SEC63: variants seen among roughly 807,000 people sequenced by gnomAD.
SEC63 encodes the protein SEC63 protein translocation regulator.
Under a neutral mutation model 116.2 loss-of-function variants are expected in SEC63, and 56 were observed. That is an observed-to-expected ratio of 0.48 (90% confidence interval 0.39 to 0.60). The LOEUF (loss-of-function observed/expected upper bound fraction) is 0.60, where lower values mean the gene tolerates loss of function less well. Among genes scored for constraint, SEC63 ranks in the 20% least tolerant of loss-of-function variants. SEC63 has a pLI of 0.00. For synonymous variants in SEC63, 273 were observed against 294.6 expected, an observed-to-expected ratio of 0.93 and a Z score of 0.75; for missense variants, 668 against 900.0, an observed-to-expected ratio of 0.74 and a Z score of 3.30.
At position 107,958,040 on chromosome 6, in the gene SEC63, C is replaced by G; in HGVS notation, c.-31G>C. The G allele has an allele frequency of 6.2e-7, 1 of 1,611,734 alleles. No homozygotes were observed. Among genetic ancestry groups the G allele is most frequent in the African/African-American group, 1.3e-5 (1 of 74,934 alleles). ...CCCCTCCTCCGCCTCGCTCTTCTCA[C>G]CGCCGCCGCCACGACCACGCTCTGC... is the stretch of plus-strand genomic sequence containing the variant. On this transcript the variant is annotated 5_prime_UTR_variant, in exon 1 of 21. Transcript: ENST00000369002.
chr6:107,941,409 G>C lies in SEC63; in HGVS notation c.125-11895C>G, dbSNP rs571137381. On this transcript the variant is annotated intron_variant, in intron 1 of 20. Transcript: ENST00000369002. ...TAGAAGCTTCCTCAAGAAGGCAGAG[G>C]AATCAGCTCCTTGAGCCCAGGAGAT... Among the ~76,000 whole-genome samples the C allele has an allele frequency of 2.6e-5, 4 of 151,450 alleles. No homozygotes were observed. In the South Asian group the frequency reaches 6.2e-4, roughly 24 times the overall value.
At chr6:107,918,461 G>A (rs1036165108) in intron 4 of SEC63, among the ~76,000 whole-genome samples, 3 of 152,000 alleles carry the variant, frequency 2.0e-5, no homozygotes, top group Non-Finnish European at 4.4e-5. Flanking sequence ...TTCAGAGGCC[G>A]AGGTGGGCAG....
At chr6:107,954,977 T>C (rs1770682252) in intron 1 of SEC63, among the ~76,000 whole-genome samples, 1 of 152,176 alleles carries the variant, frequency 6.6e-6, no homozygotes, top group South Asian at 2.1e-4. Context: ...AATATGCATA[T>C]GGACTAAGGC....
chr6:107,944,129 A>T (rs1385912370), intron 1 of SEC63, among the ~76,000 whole-genome samples: 1 of 152,224 alleles, frequency 6.6e-6, no homozygotes, highest in Non-Finnish European at 1.5e-5. Flanking sequence ...TGAGAAAGAG[A>T]TGAATCAAGA....
intron 7 of SEC63, 108 bp downstream of exon 7, chr6:107,911,238 G>A: frequency 3.8e-6 from 3 of 796,922 alleles, no homozygotes; most frequent in East Asian, 2.6e-5. Flanking sequence ...TTAAATTCAA[G>A]GATCAATGGG....
At chr6:107,957,819 C>A (rs1041875251) in intron 1 of SEC63, 67 bp downstream of exon 1, 13 of 1,405,184 alleles carry the variant, frequency 9.3e-6, no homozygotes, top group African/African-American at 1.5e-5. Flanking sequence ...GGCAAGCGGG[C>A]GCCGCAGGGC....
At chr6:107,946,601 T>G (rs1413314470) in intron 1 of SEC63, among the ~76,000 whole-genome samples, 1 of 152,248 alleles carries the variant, frequency 6.6e-6, no homozygotes, top group Non-Finnish European at 1.5e-5. Flanking sequence ...ACTGCTTTCC[T>G]CTGTATAGGA....
intron 14 of SEC63, 145 bp downstream of exon 14, chr6:107,897,504 T>C: frequency 2.9e-6 from 2 of 690,292 alleles, no homozygotes; most frequent in South Asian, 1.6e-5. Context: ...TCATGAAAAT[T>C]AATTTAAAAT....
chr6:107,888,042 G>T (rs1003829243), intron 16 of SEC63, among the ~76,000 whole-genome samples: 16 of 152,230 alleles, frequency 1.1e-4, no homozygotes, highest in East Asian at 1.9e-4. Context: ...CTCCAGCTTT[G>T]TTCTTTTTGC....
intron 19 of SEC63, among the ~76,000 whole-genome samples, chr6:107,874,489 A>G (rs943456509): frequency 1.3e-4 from 20 of 150,898 alleles, no homozygotes; most frequent in South Asian, 4.2e-4. Context: ...CCAGCTACTC[A>G]GGAGGCTGAG....
chr6:107,888,992 C>T (rs891667445), intron 16 of SEC63, among the ~76,000 whole-genome samples: 2 of 152,148 alleles, frequency 1.3e-5, no homozygotes, highest in African/African-American at 4.8e-5. Context: ...TTCAGTTTGC[C>T]AGTATTTTAT....
intron 1 of SEC63, among the ~76,000 whole-genome samples, chr6:107,939,837 T>C (rs1770336696): frequency 6.6e-6 from 1 of 152,128 alleles, no homozygotes; most frequent in South Asian, 2.1e-4. Flanking sequence ...TTTCAGAATA[T>C]AAAAGGCATG....
rs550464307 is a variant in SEC63 at position 107,911,579 on chromosome 6, T to C, written c.574-183A>G. 5.3e-5 allele frequency among the ~76,000 whole-genome samples: 8 copies of C among 152,298 alleles called. No homozygotes were observed. The South Asian group carries it at 1.4e-3, about 28-fold the overall frequency. On this transcript the variant is annotated intron_variant, in intron 6 of 20. Transcript: ENST00000369002. ...ACCATTATTACCCTCCTTTTGTAGG[T>C]AGAAAACCTGCAGTACACATGGGTT... is the stretch of plus-strand genomic sequence containing the variant.
rs755223040 is a variant in SEC63, at chr6:107,904,643, G to A, written c.1040C>T (p.Ala347Val). 1.9e-6 allele frequency: 3 copies of A among 1,611,128 alleles called. No individual in the cohort carries two copies. The Admixed American group carries it at 5.0e-5, about 27-fold the overall frequency. The part of the protein sequence containing the change: ...VNVICQLIVM[A>V]RNREEREFRA... ...TTCCTCCTCACCTTCACGGTTCCGG[G>A]CCATTACTATTAGTTGGCAGATTAC... is the stretch of plus-strand genomic sequence containing the variant. Residue 347 changes from alanine to valine, a missense_variant, in exon 11 of 21, where the codon GCC becomes GTC. By Grantham distance (64) the Ala-to-Val change is moderately conservative. Coordinates refer to ENST00000369002, the MANE Select transcript of SEC63 (RefSeq NM_007214.5).
chr6:107,912,282 A>G (rs371289709), intron 6 of SEC63, among the ~76,000 whole-genome samples: 14 of 152,332 alleles, frequency 9.2e-5, no homozygotes, highest in Admixed American at 4.6e-4. Flanking sequence ...AATTCAATTT[A>G]TTGTAAATTA....
chr6:107,899,198 T>G (rs540340517), intron 13 of SEC63, among the ~76,000 whole-genome samples: 1 of 152,206 alleles, frequency 6.6e-6, no homozygotes. Context: ...CCAGCATTAT[T>G]ATCATGCAGA....
intron 1 of SEC63, among the ~76,000 whole-genome samples, chr6:107,938,282 C>G (rs1041429697): frequency 1.5e-5 from 2 of 129,874 alleles, no homozygotes; most frequent in African/African-American, 5.6e-5. Context: ...GGGTCTTGCT[C>G]TGTCACCAGG....
Position 107,957,920 on chromosome 6 carries a change from C to G in SEC63, c.90G>C (p.Ala30=). 1.9e-6 allele frequency: 3 copies of G among 1,613,186 alleles called. No homozygotes were observed. The highest frequency in any genetic ancestry group is 1.7e-6 in the Non-Finnish European group (2 of 1,179,496). ...TSFVGLIVIP[A]TYYLWPRDQN... is the part of the protein sequence containing the mutation. ...GATCTCGGGGCCAGAGGTAGTATGT[C>G]GCCGGGATCACGATGAGCCCCACGA... is the stretch of plus-strand genomic sequence containing the variant. Residue 30 remains alanine, a synonymous_variant, in exon 1 of 21, where the codon GCG becomes GCC. Transcript: ENST00000369002.
chr6:107,896,454 A>G (rs1444408834), intron 14 of SEC63, among the ~76,000 whole-genome samples: 1 of 152,120 alleles, frequency 6.6e-6, no homozygotes, highest in Non-Finnish European at 1.5e-5. Context: ...TGACAGAGCT[A>G]GCTAGACTCC....
Sources: allele counts gnomAD v4.1 joint callset (sites outside exome capture counted in the v4.1 genomes callset), GRCh38; gene constraint gnomAD v4.1.1; transcripts MANE v1.5; gene names NCBI Gene and HGNC (gene_info 2026-07-23, HGNC 2026-07-21).